CTNND2: variants seen among roughly 807,000 people sequenced by gnomAD.
The protein encoded by CTNND2 is catenin delta 2.
In CTNND2, 22 loss-of-function variants were observed where a neutral mutation model predicts 144.4. The ratio of observed to expected loss-of-function variants is 0.15; its 90% confidence interval spans 0.11 to 0.22. The LOEUF (loss-of-function observed/expected upper bound fraction) is 0.22, where lower values mean the gene tolerates loss of function less well. Among genes scored for constraint, CTNND2 ranks in the 10% least tolerant of loss-of-function variants. The pLI, the probability that CTNND2 is intolerant of heterozygous loss-of-function variation, is 1.00. For synonymous variants in CTNND2, 751 were observed against 695.6 expected (o/e 1.08, Z -1.25); for missense variants, 1,353 against 1,618.8 (o/e 0.84, Z 2.82).
chr5:11,446,298 G>A (rs1342350200), intron 3 of CTNND2, among the ~76,000 whole-genome samples: 3 of 152,076 alleles, frequency 2.0e-5, no homozygotes, highest in African/African-American at 7.2e-5. Flanking sequence ...TAATGAAATC[G>A]GTAGCTTGAC....
At chr5:11,235,040 G>A (rs1444972762) in intron 10 of CTNND2, among the ~76,000 whole-genome samples, 2 of 152,182 alleles carry the variant, frequency 1.3e-5, no homozygotes, top group African/African-American at 2.4e-5. Context: ...GCCTCACTGT[G>A]TAAGTGACAC....
chr5:11,215,589 G>C (rs969511513), intron 10 of CTNND2, among the ~76,000 whole-genome samples: 6 of 152,214 alleles, frequency 3.9e-5, no homozygotes, highest in Non-Finnish European at 7.3e-5. Context: ...TAAAGAGACA[G>C]ATAAAGTCGG....
rs79647139 is a variant in CTNND2, at chr5:11,396,490, C to G, written c.612+541G>C. On this transcript the variant is annotated intron_variant, in intron 6 of 21. Coordinates refer to ENST00000304623, the MANE Select transcript of CTNND2 (RefSeq NM_001332.4). ...AGATCAAGCACCTGCCTTAAAGAAA[C>G]AATGGAGGGCAAATTTCAAAATCAG... Among the ~76,000 whole-genome samples, 4 of 152,110 alleles carry G rather than the reference C, an allele frequency of 2.6e-5. No homozygotes were observed. In the East Asian group the frequency reaches 7.7e-4, roughly 29 times the overall value.
intron 2 of CTNND2, among the ~76,000 whole-genome samples, chr5:11,624,150 T>C (rs934594530): frequency 7.2e-5 from 11 of 152,020 alleles, no homozygotes; most frequent in Non-Finnish European, 4.4e-5. Context: ...CTCCCATGCA[T>C]TGAGTATTTC....
chr5:11,286,012 C>T (rs1561153609), intron 9 of CTNND2, among the ~76,000 whole-genome samples: 1 of 78,218 alleles, frequency 1.3e-5, no homozygotes, highest in Non-Finnish European at 3.0e-5. Flanking sequence ...GACAAAGATA[C>T]TGGAAAAATA....
chr5:11,360,188 TGAAGAA>T (rs1430212944), intron 8 of CTNND2, among the ~76,000 whole-genome samples: 2 of 151,972 alleles, frequency 1.3e-5, no homozygotes, highest in African/African-American at 4.8e-5. Flanking sequence ...AAAAGAGAGA[TGAAGAA>T]GGAAGGTCTA....
chr5:11,203,678 T>G (rs910821373), intron 10 of CTNND2, among the ~76,000 whole-genome samples: 6 of 152,232 alleles, frequency 3.9e-5, no homozygotes, highest in Non-Finnish European at 7.3e-5. Context: ...CCAGGCCTCA[T>G]GCAGAATTCT....
chr5:11,496,903 C>T (rs1308419997), intron 3 of CTNND2, among the ~76,000 whole-genome samples: 1 of 152,114 alleles, frequency 6.6e-6, no homozygotes, highest in African/African-American at 2.4e-5. Flanking sequence ...GGGCCCCACA[C>T]CTGGGAGAAG....
intron 16 of CTNND2, among the ~76,000 whole-genome samples, chr5:11,028,176 G>A (rs774617991): frequency 6.6e-6 from 1 of 152,150 alleles, no homozygotes; most frequent in Non-Finnish European, 1.5e-5. Flanking sequence ...AAACTTAAAT[G>A]TCTCAAACTG....
chr5:11,706,805 G>A (rs1057313763), intron 2 of CTNND2, among the ~76,000 whole-genome samples: 1 of 152,054 alleles, frequency 6.6e-6, no homozygotes, highest in Non-Finnish European at 1.5e-5. Flanking sequence ...AAGGAAGTAA[G>A]GCCAGCGCGG....
At chr5:11,303,452 T>C (rs192683288) in intron 9 of CTNND2, among the ~76,000 whole-genome samples, 3 of 152,294 alleles carry the variant, frequency 2.0e-5, no homozygotes, top group Admixed American at 1.3e-4. Context: ...CTCAGTTTCC[T>C]CCTTCTATAA....
At chr5:11,218,193 A>C (rs1739406486) in intron 10 of CTNND2, among the ~76,000 whole-genome samples, 1 of 151,814 alleles carries the variant, frequency 6.6e-6, no homozygotes, top group Admixed American at 6.6e-5. Context: ...CAAGTGTTAT[A>C]TTTCTTACTC....
At chr5:11,782,646 A>C (rs1479777179) in intron 1 of CTNND2, among the ~76,000 whole-genome samples, 1 of 152,216 alleles carries the variant, frequency 6.6e-6, no homozygotes, top group Non-Finnish European at 1.5e-5. Context: ...TTCAATCAGC[A>C]TTCCAAAAAA....
chr5:11,078,922 G>A (rs575903455), intron 16 of CTNND2, among the ~76,000 whole-genome samples: 24 of 152,164 alleles, frequency 1.6e-4, no homozygotes, highest in Admixed American at 7.2e-4. Context: ...CTTATTTCCC[G>A]CTGTATAATG....
At position 11,199,520 on chromosome 5, in the gene CTNND2, A is replaced by C. The variant is rs756796096; in HGVS notation, c.1903T>G (p.Cys635Gly). 9.3e-6 allele frequency: 15 copies of C among 1,614,092 alleles called. No individual in the cohort carries two copies. In the African/African-American group the frequency reaches 1.9e-4, roughly 20 times the overall value. The change falls in exon 11 of 22, where the codon TGT becomes GGT. Residue 635 changes from cysteine (C) to glycine (G), a missense_variant. Cys to Gly is a radical substitution (Grantham distance 159). This residue lies in a region of CTNND2 where 117 missense variants were observed against 117.8 expected (regional missense o/e 0.99). Transcript: ENST00000304623. The stretch of plus-strand genomic sequence containing the variant: ...CTCACCAGTGCTGGGATGCCACCAC[A>C]GTTTTTCAGGGCAATTTTGTTATCA... ...NDDNKIALKN[C>G]GGIPALVRLL...
intron 16 of CTNND2, among the ~76,000 whole-genome samples, chr5:11,039,445 C>A (rs535797794): frequency 6.6e-6 from 1 of 152,318 alleles, no homozygotes; most frequent in South Asian, 2.1e-4. Context: ...GCAACACCAA[C>A]CCTCTGGATT....
intron 12 of CTNND2, among the ~76,000 whole-genome samples, chr5:11,129,300 T>C (rs1289785610): frequency 6.6e-5 from 3 of 45,320 alleles, no homozygotes; most frequent in African/African-American, 2.3e-4. Context: ...ATATAATATA[T>C]ATTATATATA....
chr5:11,015,080 T>C (rs1474542331), intron 18 of CTNND2, among the ~76,000 whole-genome samples: 1 of 152,236 alleles, frequency 6.6e-6, no homozygotes, highest in African/African-American at 2.4e-5. Context: ...ACGCTTCCTT[T>C]GCTAAGCCTA....
chr5:11,005,360 A>C (rs1740376745), intron 18 of CTNND2, among the ~76,000 whole-genome samples: 2 of 152,224 alleles, frequency 1.3e-5, no homozygotes, highest in African/African-American at 2.4e-5. Context: ...GAAGAGTTTT[A>C]ATCAGGAGAA....
Sources: allele counts gnomAD v4.1 joint callset (sites outside exome capture counted in the v4.1 genomes callset), GRCh38; gene constraint gnomAD v4.1.1; regional missense constraint gnomAD v4.1.1; transcripts MANE v1.5; gene names NCBI Gene and HGNC (gene_info 2026-07-23, HGNC 2026-07-21).